Variants in DTNB observed in about 807,000 individuals in gnomAD.
The protein encoded by DTNB is DTN-B.
DTNB carries 63 observed loss-of-function variants against 90.7 expected under a neutral mutation model. The observed-to-expected ratio is 0.69, with a 90% confidence interval of 0.57 to 0.86. DTNB has a LOEUF of 0.86. DTNB is among the 40% of genes least tolerant of loss of function. The pLI is 0.00. For missense variants in DTNB, 744 were observed against 807.1 expected (o/e 0.92, Z 0.95); for synonymous variants, 277 against 286.7 (o/e 0.97, Z 0.34).
At chr2:25,536,643 A>G (rs981149568) in intron 8 of DTNB, among the ~76,000 whole-genome samples, 1 of 152,150 alleles carries the variant, frequency 6.6e-6, no homozygotes, top group Non-Finnish European at 1.5e-5. Context: ...GGGAGGTTGC[A>G]GCGAGCCGAG....
intron 6 of DTNB, among the ~76,000 whole-genome samples, 184 bp downstream of exon 6, chr2:25,595,902 G>A (rs141442285): frequency 1.1e-3 from 31 of 28,484 alleles, no homozygotes; most frequent in African/African-American, 4.3e-3. Flanking sequence ...CAGTTCCCCC[G>A]TAAGAGTTTT....
chr2:25,600,994 G>A (rs1041658659), intron 5 of DTNB, among the ~76,000 whole-genome samples: 17 of 152,164 alleles, frequency 1.1e-4, no homozygotes, highest in Non-Finnish European at 2.2e-4. Flanking sequence ...TGAAGGCACA[G>A]TGAAATAATT....
rs763873937 is a variant in DTNB, at chr2:25,482,792, G to C, written c.1079+4C>G. ...CCCAAGTCGAAGGCACAAGACATAC[G>C]TACCTCTTGGTGGGAGTGGGCACTC... On this transcript the variant is annotated splice_donor_region_variant and intron_variant, in intron 10 of 20. Transcript: ENST00000406818. 6.2e-7 allele frequency: 1 copy of C among 1,613,564 alleles called. No homozygotes were observed. The highest frequency in any genetic ancestry group is 2.2e-5 in the East Asian group (1 of 44,874).
intron 19 of DTNB, among the ~76,000 whole-genome samples, chr2:25,381,264 A>C (rs1055996649): frequency 2.6e-5 from 4 of 152,132 alleles, no homozygotes; most frequent in African/African-American, 9.7e-5. Context: ...TTATCTGTGT[A>C]TCTCTTCACC....
At chr2:25,631,944 C>T (rs2075838248) in intron 3 of DTNB, among the ~76,000 whole-genome samples, 1 of 152,120 alleles carries the variant, frequency 6.6e-6, no homozygotes, top group Non-Finnish European at 1.5e-5. Flanking sequence ...CCTGTAATCC[C>T]AGCACTTTGG....
chr2:25,509,859 T>C (rs1336027498), intron 9 of DTNB, among the ~76,000 whole-genome samples: 3 of 151,646 alleles, frequency 2.0e-5, no homozygotes, highest in Non-Finnish European at 4.4e-5. Context: ...CAAGTGATTC[T>C]TGTGCTTCAG....
At chr2:25,420,054 A>AT (rs143266044) in intron 15 of DTNB, among the ~76,000 whole-genome samples, 1,938 of 152,240 alleles carry the variant, frequency 0.013, 57 homozygotes, top group African/African-American at 0.044. Flanking sequence ...GCCTCACCCT[A>AT]TCCCCACCAA....
intron 4 of DTNB, among the ~76,000 whole-genome samples, chr2:25,614,005 A>G (rs1380974496): frequency 6.6e-6 from 1 of 152,170 alleles, no homozygotes; most frequent in African/African-American, 2.4e-5. Context: ...AGGGAGCTTT[A>G]TCCCAAGAAT....
chr2:25,522,674 C>T (rs140581989), intron 9 of DTNB, among the ~76,000 whole-genome samples: 122 of 151,508 alleles, frequency 8.1e-4, no homozygotes, highest in African/African-American at 2.7e-3. Flanking sequence ...TTTATTAACA[C>T]CATTTTACAG....
chr2:25,638,863 C>T, intron 3 of DTNB, 151 bp downstream of exon 3: 1 of 697,618 alleles, frequency 1.4e-6, no homozygotes, highest in Non-Finnish European at 2.1e-6. Context: ...AGTAAAATGA[C>T]AAGTTCTTCC....
At chr2:25,545,052 T>A (rs2082129804) in intron 8 of DTNB, among the ~76,000 whole-genome samples, 1 of 152,212 alleles carries the variant, frequency 6.6e-6, no homozygotes, top group Non-Finnish European at 1.5e-5. Context: ...CTTTCACACT[T>A]TCCATCTCCT....
At chr2:25,526,395 A>ATATATATATATATATATATATTTTTTT in intron 9 of DTNB, among the ~76,000 whole-genome samples, 1 of 49,858 alleles carries the variant, frequency 2.0e-5, no homozygotes, top group African/African-American at 9.8e-5. Flanking sequence ...ATATATATAT[A>ATATATATATATATATATATATTTTTTT]TTTTTTTTTT....
chr2:25,459,939 G>A (rs983637633), intron 10 of DTNB, among the ~76,000 whole-genome samples: 7 of 152,030 alleles, frequency 4.6e-5, no homozygotes, highest in Admixed American at 1.3e-4. Context: ...CAAGACCCTC[G>A]TTTCTAAAAA....
At chr2:25,410,454 C>G (rs1175613969) in intron 16 of DTNB, among the ~76,000 whole-genome samples, 1 of 152,092 alleles carries the variant, frequency 6.6e-6, no homozygotes, top group African/African-American at 2.4e-5. Context: ...ATCCCCACCA[C>G]GCAAGACAGG....
At chr2:25,448,614 G>C (rs1187223997) in intron 12 of DTNB, among the ~76,000 whole-genome samples, 1 of 152,048 alleles carries the variant, frequency 6.6e-6, no homozygotes, top group Non-Finnish European at 1.5e-5. Flanking sequence ...CAGCACTTTG[G>C]GAGGCCGAGG....
At chr2:25,658,364 C>A (rs941151204) in intron 1 of DTNB, among the ~76,000 whole-genome samples, 3 of 152,096 alleles carry the variant, frequency 2.0e-5, no homozygotes, top group African/African-American at 7.2e-5. Flanking sequence ...AGAAACCTGG[C>A]AGTTTCTTAT....
intron 6 of DTNB, among the ~76,000 whole-genome samples, chr2:25,586,806 G>A (rs1005859757): frequency 1.3e-5 from 2 of 152,158 alleles, no homozygotes; most frequent in Admixed American, 6.5e-5. Context: ...ATTTCAGTGA[G>A]AACTAAGAAT....
At chr2:25,485,165 T>C (rs182934871) in intron 9 of DTNB, among the ~76,000 whole-genome samples, 15 of 152,226 alleles carry the variant, frequency 9.9e-5, no homozygotes, top group African/African-American at 4.8e-5. Context: ...CTGCTATATA[T>C]ATATTTTTTA....
chr2:25,526,421 G>T (rs2077204562), intron 9 of DTNB, among the ~76,000 whole-genome samples: 2 of 118,316 alleles, frequency 1.7e-5, no homozygotes, highest in Admixed American at 9.6e-5. Context: ...TTGAGACAGA[G>T]TTTCACCCTT....
Sources: allele counts gnomAD v4.1 joint callset (sites outside exome capture counted in the v4.1 genomes callset), GRCh38; gene constraint gnomAD v4.1.1; transcripts MANE v1.5; gene names NCBI Gene and HGNC (gene_info 2026-07-23, HGNC 2026-07-21).